The following HEMK2 variants were observed in gnomAD, a reference collection of about 807,000 sequenced individuals.
HEMK2 encodes methyltransferase HEMK2.
chr21:28,883,311 A>C, the HEMK2 span, among the ~76,000 whole-genome samples: 1 of 152,224 alleles, frequency 6.6e-6, no homozygotes, highest in Non-Finnish European at 1.5e-5. Flanking sequence ...ATTACCAAAC[A>C]TGGCTTTCAG....
the HEMK2 span, among the ~76,000 whole-genome samples, chr21:28,683,852 GCCC>G: frequency 3.3e-5 from 5 of 152,158 alleles, no homozygotes; most frequent in African/African-American, 1.2e-4. Flanking sequence ...CACACAGACA[GCCC>G]CTAAAAGCTA....
At chr21:28,613,499 A>ATTGTATAGAGAGATT in the HEMK2 span, among the ~76,000 whole-genome samples, 15 of 152,152 alleles carry the variant, frequency 9.9e-5, no homozygotes, top group Non-Finnish European at 2.1e-4. Flanking sequence ...ATAGATGGGG[A>ATTGTATAGAGAGATT]AACCATTGTA....
the HEMK2 span, among the ~76,000 whole-genome samples, chr21:28,800,433 C>T: frequency 6.6e-6 from 1 of 152,018 alleles, no homozygotes; most frequent in Non-Finnish European, 1.5e-5. Flanking sequence ...AGATCACACC[C>T]TATGTTTCCC....
the HEMK2 span, among the ~76,000 whole-genome samples, chr21:28,721,256 C>CA: frequency 4.8e-4 from 73 of 152,244 alleles, no homozygotes; most frequent in African/African-American, 1.6e-3. Context: ...GCTGGGACTA[C>CA]AGGCATGCAC....
At chr21:28,864,883 T>TACAG in the HEMK2 span, among the ~76,000 whole-genome samples, 1 of 142,248 alleles carries the variant, frequency 7.0e-6, no homozygotes, top group Non-Finnish European at 1.5e-5. Context: ...GATAGGTAGA[T>TACAG]ATAGATGATA....
chr21:28,633,688 G>A, the HEMK2 span, among the ~76,000 whole-genome samples: 3 of 152,130 alleles, frequency 2.0e-5, no homozygotes, highest in Non-Finnish European at 2.9e-5. Context: ...ATATGACTTC[G>A]AGATGACTTA....
the HEMK2 span, among the ~76,000 whole-genome samples, chr21:28,618,797 C>A: frequency 6.6e-6 from 1 of 152,164 alleles, no homozygotes. Flanking sequence ...TCACTTTTTA[C>A]ACTTATTAGT....
the HEMK2 span, among the ~76,000 whole-genome samples, chr21:28,812,099 C>T: frequency 2.6e-4 from 40 of 152,178 alleles, no homozygotes; most frequent in Non-Finnish European, 4.6e-4. Flanking sequence ...AAGATAGAAA[C>T]GAAAATTGCT....
the HEMK2 span, among the ~76,000 whole-genome samples, chr21:28,866,691 C>T: frequency 6.7e-6 from 1 of 148,314 alleles, no homozygotes; most frequent in Non-Finnish European, 1.5e-5. Flanking sequence ...CAAAATTGCG[C>T]TACTGCACTC....
At chr21:28,603,543 A>AGATG in the HEMK2 span, among the ~76,000 whole-genome samples, 167 of 101,290 alleles carry the variant, frequency 1.6e-3, 2 homozygotes, top group African/African-American at 6.5e-3. Flanking sequence ...TTTACTGAGG[A>AGATG]TATATATGTG....
chr21:28,682,831 T>A, the HEMK2 span, among the ~76,000 whole-genome samples: 5 of 152,074 alleles, frequency 3.3e-5, no homozygotes, highest in Admixed American at 2.6e-4. Flanking sequence ...ATGTTCTCAC[T>A]CATAGGTAGG....
chr21:28,777,528 G>A, the HEMK2 span, among the ~76,000 whole-genome samples: 1 of 152,002 alleles, frequency 6.6e-6, no homozygotes, highest in Non-Finnish European at 1.5e-5. Context: ...CACTCTCTGG[G>A]GTCCAGAGAG....
the HEMK2 span, among the ~76,000 whole-genome samples, chr21:28,757,554 T>C: frequency 6.6e-6 from 1 of 152,212 alleles, no homozygotes; most frequent in Admixed American, 6.5e-5. Flanking sequence ...TGTGTTAGTT[T>C]TAAATTGTTT....
At chr21:28,762,974 G>A in the HEMK2 span, among the ~76,000 whole-genome samples, 1 of 152,124 alleles carries the variant, frequency 6.6e-6, no homozygotes, top group Non-Finnish European at 1.5e-5. Context: ...CAGCTTAGGG[G>A]AAACAGGAAA....
chr21:28,785,273 A>T, the HEMK2 span, among the ~76,000 whole-genome samples: 2 of 152,224 alleles, frequency 1.3e-5, no homozygotes, highest in Non-Finnish European at 2.9e-5. Context: ...TCCAGACACA[A>T]TATCATTACT....
chr21:28,815,371 T>C, the HEMK2 span, among the ~76,000 whole-genome samples: 4 of 151,014 alleles, frequency 2.6e-5, no homozygotes, highest in Admixed American at 1.3e-4. Flanking sequence ...ACTTGAAGCA[T>C]AATAATAATT....
chr21:28,717,282 C>A, the HEMK2 span, among the ~76,000 whole-genome samples: 9 of 152,094 alleles, frequency 5.9e-5, no homozygotes, highest in African/African-American at 1.9e-4. Flanking sequence ...ACTACTGATT[C>A]AATTTCAGAG....
chr21:28,827,633 G>A, the HEMK2 span, among the ~76,000 whole-genome samples: 1 of 152,116 alleles, frequency 6.6e-6, no homozygotes, highest in Non-Finnish European at 1.5e-5. Flanking sequence ...TCAATGATGG[G>A]GCAAGAAGTG....
chr21:28,818,445 T>C, the HEMK2 span, among the ~76,000 whole-genome samples: 1 of 152,172 alleles, frequency 6.6e-6, no homozygotes, highest in Non-Finnish European at 1.5e-5. Context: ...TAAACTCATA[T>C]ATATATGTAT....
Sources: gnomAD v4.1 joint callset for allele counts (sites outside exome capture counted in the v4.1 genomes callset) on GRCh38, gnomAD v4.1.1 for gene constraint, MANE v1.5 for transcripts, NCBI Gene and HGNC (gene_info 2026-07-23, HGNC 2026-07-21) for gene names.